The following PML variants were observed in gnomAD, a reference collection of about 807,000 sequenced individuals.
PML encodes the protein PML nuclear body scaffold.
A neutral mutation model predicts 65.2 loss-of-function variants in PML; 28 were observed. The ratio of observed to expected loss-of-function variants is 0.43; its 90% CI spans 0.32 to 0.59. The LOEUF (loss-of-function observed/expected upper bound fraction) is 0.59. Among genes scored for constraint, PML ranks in the 20% least tolerant of loss-of-function variants. The pLI is 0.08. For missense variants in PML, 1,021 were observed against 1,203.4 expected (o/e 0.85, Z 2.24); for synonymous variants, 500 against 508.8 (o/e 0.98, Z 0.23).
chr15:74,023,071 C>A lies in PML; in HGVS notation c.846C>A (p.Arg282=). ...RAETEELIRE[R]VRQVVAHVRA... Reference sequence around the variant, plus strand: ...AGACCGAGGAGCTGATCCGCGAGCGCGTGCGCCAGGTGGTAGCTCACGTGC... The same window carrying A: ...AGACCGAGGAGCTGATCCGCGAGCGAGTGCGCCAGGTGGTAGCTCACGTGC... Residue 282 remains arginine (R), a synonymous_variant, in exon 3 of 9, where the codon CGC becomes CGA. Transcript: ENST00000268058. 1 of 1,602,922 alleles carries A rather than the reference C, an allele frequency of 6.2e-7. No individual in the cohort carries two copies. Among genetic ancestry groups the A allele is most frequent in the East Asian group, 2.2e-5 (1 of 44,806 alleles).
At position 74,046,329 on chromosome 15, in the gene PML, TTCC is replaced by T; in HGVS notation, c.*1331_*1333del. The T allele has an allele frequency of 4.3e-6, 1 of 233,286 alleles. No individual in the cohort carries two copies. Among genetic ancestry groups the T allele is most frequent in the Admixed American group, 5.6e-5 (1 of 17,792 alleles). The allele number at this position is 233,286 out of a possible 1,614,324, so 14.5% of individuals were successfully genotyped here. A position where few individuals can be genotyped will look rare whatever the true frequency, so the allele number is the denominator to read the frequency against. The stretch of plus-strand genomic sequence containing the variant: ...CTCTGATTAGCAGAACGACAGCCCC[TTCC>T]TCCTCCTCCCTCCTTCCCATCCCTA... On this transcript the variant is annotated 3_prime_UTR_variant, in exon 9 of 9. Coordinates refer to ENST00000268058, the MANE Select transcript of PML (RefSeq NM_033238.3).
chr15:74,035,495 G>C lies in PML; in HGVS notation c.1710+965G>C, dbSNP rs2071511555. On this transcript the variant is annotated intron_variant, in intron 7 of 8. Transcript: ENST00000268058. The surrounding 1 kb of genome is among the most constrained non-coding windows in gnomAD (Gnocchi z 4.1). ...ATGCCCTCCGCTTGCACCCTCAATT[G>C]CATCGGGCCCCTATTCGGACTTGGT... 2 of 1,612,062 alleles carry C rather than the reference G, an allele frequency of 1.2e-6. No individual in the cohort carries two copies. Among genetic ancestry groups the C allele is most frequent in the Non-Finnish European group, 1.7e-6 (2 of 1,179,844 alleles).
At chr15:74,036,620 C>T (rs1161369792) in intron 7 of PML, among the ~76,000 whole-genome samples, 1 of 152,132 alleles carries the variant, frequency 6.6e-6, no homozygotes, top group Non-Finnish European at 1.5e-5. Context: ...ATCCTCTGTC[C>T]CTCTCAGGGT....
chr15:74,011,274 C>CCTGCAAG (rs1177638624), intron 2 of PML, among the ~76,000 whole-genome samples: 1 of 152,140 alleles, frequency 6.6e-6, no homozygotes, highest in Non-Finnish European at 1.5e-5. Flanking sequence ...GGTTCCTCTC[C>CCTGCAAG]CTGCAAGGGT....
chr15:74,016,060 C>T (rs572318962), intron 2 of PML, among the ~76,000 whole-genome samples: 2 of 152,224 alleles, frequency 1.3e-5, no homozygotes, highest in East Asian at 1.9e-4. Context: ...GGGCAGATCA[C>T]GAGGTCAAGA....
At position 74,032,581 on chromosome 15, in the gene PML, G is replaced by A. The variant is rs764247291; in HGVS notation, c.1264G>A (p.Ala422Thr). 7 of 1,614,104 alleles carry A rather than the reference G, an allele frequency of 4.3e-6. No homozygotes were observed. The Admixed American group carries it at 1.2e-4, about 27-fold the overall frequency. ...DPIDVDLPEE[A>T]ERVKAQVQAL... Reference sequence around the variant, plus strand: ...TTTCCCAACTTTGCAGCCCGAGGAGGCAGAGAGAGTGAAGGCCCAGGTTCA... The same window carrying A: ...TTTCCCAACTTTGCAGCCCGAGGAGACAGAGAGAGTGAAGGCCCAGGTTCA... The change falls in exon 5 of 9, where the codon GCA becomes ACA. Residue 422 changes from alanine to threonine, a missense_variant. Ala to Thr is a moderately conservative substitution (Grantham distance 58). Transcript: ENST00000268058.
At chr15:74,002,611 G>GTTTT (rs34203409) in intron 2 of PML, among the ~76,000 whole-genome samples, 4 of 128,848 alleles carry the variant, frequency 3.1e-5, no homozygotes, top group African/African-American at 5.8e-5. Context: ...GCCCGGCTAA[G>GTTTT]TTTTTTTTTT....
At chr15:74,024,370 A>G (rs2070980772) in intron 3 of PML, among the ~76,000 whole-genome samples, 1 of 152,194 alleles carries the variant, frequency 6.6e-6, no homozygotes, top group Non-Finnish European at 1.5e-5. Flanking sequence ...TATTAAGGAA[A>G]TGACCCCACA....
intron 3 of PML, 146 bp from the exon 4 acceptor site, chr15:74,024,711 A>G (rs758902318): frequency 8.5e-6 from 6 of 703,042 alleles, no homozygotes; most frequent in Non-Finnish European, 1.3e-5. Flanking sequence ...CTGCCCCTCC[A>G]GGGAGTTGTC....
At chr15:74,006,021 A>G (rs908346905) in intron 2 of PML, among the ~76,000 whole-genome samples, 13 of 152,176 alleles carry the variant, frequency 8.5e-5, no homozygotes, top group African/African-American at 3.1e-4. Context: ...AGGGATAGAA[A>G]AAAACCTTTT....
chr15:74,012,647 C>A (rs1182571917), intron 2 of PML, among the ~76,000 whole-genome samples: 2 of 152,180 alleles, frequency 1.3e-5, no homozygotes, highest in Admixed American at 6.5e-5. Flanking sequence ...TTCTATTTTA[C>A]ATGGTAGTAA....
rs747134619 is a variant in PML at position 74,033,407 on chromosome 15, G to A, written c.1650G>A (p.Gly550=). ...PNSNHVASGA[G]EAEERVVVIS... ...GCAACCACGTGGCCAGTGGCGCCGGGGAGGCAGGTAGGGAGGTGGGTAGGG... is the reference window on the plus strand; with the variant it reads ...GCAACCACGTGGCCAGTGGCGCCGGAGAGGCAGGTAGGGAGGTGGGTAGGG... Residue 550 remains glycine, a synonymous_variant, in exon 6 of 9, where the codon GGG becomes GGA. Transcript: ENST00000268058. 17 of 1,612,280 alleles carry A rather than the reference G, an allele frequency of 1.1e-5. No homozygotes were observed. The East Asian group carries it at 3.3e-4, about 32-fold the overall frequency.
At position 74,047,820 on chromosome 15, in the gene PML, CA is replaced by C. The variant is rs1389753481; in HGVS notation, c.*2819del. On this transcript the variant is annotated 3_prime_UTR_variant, in exon 9 of 9. Transcript: ENST00000268058. ...ACACATTTTAGATCTTAGAAAAAAA[CA>C]AAAAAACATGGGCTTGTCTTCAGGG... 1.7e-5 allele frequency: 3 copies of C among 176,016 alleles called. No homozygotes were observed. The highest frequency in any genetic ancestry group is 2.4e-5 in the Non-Finnish European group (2 of 81,776). The allele number at this position is 176,016 out of a possible 1,614,324, so 10.9% of individuals were successfully genotyped here.
At position 74,035,312 on chromosome 15, in the gene PML, C is replaced by G; in HGVS notation, c.1710+782C>G. 6.2e-7 allele frequency: 1 copy of G among 1,612,874 alleles called. No homozygotes were observed. On this transcript the variant is annotated intron_variant, in intron 7 of 8. Transcript: ENST00000268058. The surrounding 1 kb of genome is among the most constrained non-coding windows in gnomAD (Gnocchi z 4.1). ...CCTCCAGCCTGCCCTGTGGCACATA[C>G]CACCCCCCAGCTTGGCCTCCCCACC... is the stretch of plus-strand genomic sequence containing the variant.
Position 74,037,194 on chromosome 15 carries a change from G to A in PML, c.1710+2664G>A, listed in dbSNP as rs2071590241. On this transcript the variant is annotated intron_variant, in intron 7 of 8. Coordinates refer to ENST00000268058, the MANE Select transcript of PML (RefSeq NM_033238.3). The surrounding 1 kb of genome is among the most constrained non-coding windows in gnomAD (Gnocchi z 4.2). ...AGCCCCCGCCTGCCTTTCTTCACTG[G>A]GCCCTTGTCCCAGCCTCACCCTCAG... 1 of 985,296 alleles carries A rather than the reference G, an allele frequency of 1.0e-6. No homozygotes were observed. Among genetic ancestry groups the A allele is most frequent in the African/African-American group, 1.7e-5 (1 of 57,238 alleles). 61.0% of individuals were successfully genotyped at this position (985,296 alleles called of 1,614,324 possible). A position where few individuals can be genotyped will look rare whatever the true frequency, so the allele number is the denominator to read the frequency against.
chr15:74,006,390 C>CAAAAAAAAAA (rs372202858), intron 2 of PML, among the ~76,000 whole-genome samples: 1 of 87,548 alleles, frequency 1.1e-5, no homozygotes, highest in African/African-American at 4.7e-5. Flanking sequence ...GACTCCGTCT[C>CAAAAAAAAAA]AAAAAAAAAA....
At chr15:74,016,466 C>T (rs923049706) in intron 2 of PML, among the ~76,000 whole-genome samples, 8 of 152,002 alleles carry the variant, frequency 5.3e-5, no homozygotes, top group South Asian at 2.1e-4. Context: ...TGAAACAATA[C>T]ATCCCAGAGA....
intron 1 of PML, among the ~76,000 whole-genome samples, chr15:73,995,244 T>A (rs1040265757): frequency 1.3e-5 from 2 of 152,218 alleles, no homozygotes; most frequent in African/African-American, 4.8e-5. Flanking sequence ...CCGCCCACCC[T>A]CGAGCCCTGC....
At chr15:74,024,178 AGCTAGTATAGGAT>A (rs2070971633) in intron 3 of PML, among the ~76,000 whole-genome samples, 1 of 152,192 alleles carries the variant, frequency 6.6e-6, no homozygotes, top group Non-Finnish European at 1.5e-5. Context: ...AGCTCTGAGC[AGCTAGTATAGGAT>A]GCCCTTACTG....
Sources: gnomAD v4.1 joint callset for allele counts (sites outside exome capture counted in the v4.1 genomes callset) on GRCh38, gnomAD v4.1.1 for gene constraint, Gnocchi (gnomAD v3.1) non-coding constraint, MANE v1.5 for transcripts, NCBI Gene and HGNC (gene_info 2026-07-23, HGNC 2026-07-21) for gene names.